Variants in CCDC60 observed in about 807,000 individuals in gnomAD.
CCDC60 encodes coiled-coil domain-containing protein 60.
Under a neutral mutation model 63.5 loss-of-function variants are expected in CCDC60, and 54 were observed. The ratio of observed to expected loss-of-function variants is 0.85; its 90% CI spans 0.68 to 1.07. The LOEUF (loss-of-function observed/expected upper bound fraction) is 1.07, where lower values mean the gene tolerates loss of function less well. CCDC60 is among the 50% of genes least tolerant of loss of function. The pLI, the probability that CCDC60 is intolerant of heterozygous loss-of-function variation, is 0.00. For missense variants in CCDC60, 651 were observed against 684.3 expected (o/e 0.95, Z 0.54); for synonymous variants, 206 against 238.8 (o/e 0.86, Z 1.27).
chr12:119,480,869 C>T (rs936089998), intron 4 of CCDC60, among the ~76,000 whole-genome samples: 3 of 138,082 alleles, frequency 2.2e-5, no homozygotes, highest in Non-Finnish European at 4.7e-5. Flanking sequence ...GTCATCATCA[C>T]CATCACCATC....
intron 1 of CCDC60, among the ~76,000 whole-genome samples, chr12:119,379,435 G>A (rs1026595470): frequency 1.3e-5 from 2 of 152,174 alleles, no homozygotes; most frequent in Non-Finnish European, 2.9e-5. Flanking sequence ...GGGTACCCAC[G>A]AGGTCCACAA....
chr12:119,369,108 G>A (rs987728136), intron 1 of CCDC60, among the ~76,000 whole-genome samples: 1 of 152,114 alleles, frequency 6.6e-6, no homozygotes, highest in Non-Finnish European at 1.5e-5. Context: ...GGATACAGGA[G>A]GTAAAAGCAG....
intron 1 of CCDC60, among the ~76,000 whole-genome samples, chr12:119,338,985 G>T (rs1291907820): frequency 6.6e-6 from 1 of 152,124 alleles, no homozygotes; most frequent in Non-Finnish European, 1.5e-5. Flanking sequence ...CCTTGTACAG[G>T]CTCTTCATGG....
chr12:119,497,769 A>G (rs1951746821), intron 5 of CCDC60, among the ~76,000 whole-genome samples: 1 of 151,716 alleles, frequency 6.6e-6, no homozygotes, highest in Non-Finnish European at 1.5e-5. Context: ...AAAACACTAA[A>G]GCTTCCAGTG....
chr12:119,498,611 A>G (rs1951768174), intron 5 of CCDC60, among the ~76,000 whole-genome samples: 1 of 152,246 alleles, frequency 6.6e-6, no homozygotes. Context: ...TGCTGGGATT[A>G]CAGGCATGAG....
chr12:119,490,579 A>T (rs994139703), intron 5 of CCDC60, among the ~76,000 whole-genome samples: 1 of 149,084 alleles, frequency 6.7e-6, no homozygotes, highest in Non-Finnish European at 1.5e-5. Flanking sequence ...TTTTTTTTTT[A>T]AAGAGATGAG....
At chr12:119,449,533 T>A (rs1226296836) in intron 2 of CCDC60, among the ~76,000 whole-genome samples, 1 of 152,130 alleles carries the variant, frequency 6.6e-6, no homozygotes, top group Non-Finnish European at 1.5e-5. Flanking sequence ...GAAGGTGCCA[T>A]TATTACATGC....
At chr12:119,362,363 G>A (rs1475213866) in intron 1 of CCDC60, among the ~76,000 whole-genome samples, 2 of 152,052 alleles carry the variant, frequency 1.3e-5, no homozygotes, top group Non-Finnish European at 2.9e-5. Flanking sequence ...CATTCCAGAA[G>A]ATTCTCTCAT....
intron 1 of CCDC60, among the ~76,000 whole-genome samples, chr12:119,337,783 A>C (rs1174281791): frequency 2.6e-5 from 4 of 151,650 alleles, no homozygotes; most frequent in African/African-American, 9.7e-5. Flanking sequence ...AGCAAAGAAA[A>C]GGGACAGCTA....
intron 1 of CCDC60, among the ~76,000 whole-genome samples, chr12:119,391,149 G>C (rs866633496): frequency 1.3e-5 from 2 of 152,206 alleles, no homozygotes; most frequent in Non-Finnish European, 2.9e-5. Flanking sequence ...AAAATGGACT[G>C]TTACCCACAC....
intron 4 of CCDC60, 126 bp from the exon 5 acceptor site, chr12:119,488,633 G>A (rs755910651): frequency 7.2e-5 from 52 of 726,828 alleles, no homozygotes; most frequent in Admixed American, 2.6e-4. Flanking sequence ...AAATACTTGC[G>A]CATGCCTGGA....
chr12:119,520,136 G>A lies in CCDC60; in HGVS notation c.984G>A (p.Leu328=), dbSNP rs1480634987. The part of the protein sequence containing the change: ...QRKAPSILSV[L]KQNKSNSAYK... Reference sequence around the variant, plus strand: ...TGCCTTGCAGCATCTTGTCAGTGCTGAAACAAAACAAGAGTAATTCTGCTT... The same window carrying A: ...TGCCTTGCAGCATCTTGTCAGTGCTAAAACAAAACAAGAGTAATTCTGCTT... The change falls in exon 9 of 14, where the codon CTG becomes CTA. Residue 328 remains leucine (L), a synonymous_variant. Transcript: ENST00000327554. 2 of 1,613,816 alleles carry A rather than the reference G, an allele frequency of 1.2e-6. No homozygotes were observed. Among genetic ancestry groups the A allele is most frequent in the African/African-American group, 2.7e-5 (2 of 74,920 alleles).
intron 1 of CCDC60, among the ~76,000 whole-genome samples, chr12:119,369,621 C>T (rs1057263442): frequency 4.6e-5 from 7 of 152,168 alleles, no homozygotes; most frequent in Admixed American, 4.6e-4. Flanking sequence ...CCTCTCTGAG[C>T]CCCACAGTCT....
chr12:119,382,498 CA>C (rs1050571540), intron 1 of CCDC60, among the ~76,000 whole-genome samples: 2 of 152,120 alleles, frequency 1.3e-5, no homozygotes, highest in Non-Finnish European at 1.5e-5. Flanking sequence ...GTATTCGTAA[CA>C]GGGGGAAGAG....
At chr12:119,387,034 T>TCTCACACACACACACACACA (rs543330015) in intron 1 of CCDC60, among the ~76,000 whole-genome samples, 2 of 105,452 alleles carry the variant, frequency 1.9e-5, no homozygotes, top group Admixed American at 2.2e-4. Context: ...TCTGTCTCTC[T>TCTCACACACACACACACACA]CACACACACA....
intron 1 of CCDC60, among the ~76,000 whole-genome samples, chr12:119,393,112 TGTA>T (rs1322016186): frequency 6.6e-6 from 1 of 152,174 alleles, no homozygotes; most frequent in Non-Finnish European, 1.5e-5. Context: ...TGCAGTGAGT[TGTA>T]ATTGCACCAC....
At position 119,516,604 on chromosome 12, in the gene CCDC60, C is replaced by T. The variant is rs1367990462; in HGVS notation, c.884-19C>T. 2.6e-6 allele frequency: 4 copies of T among 1,566,868 alleles called. No homozygotes were observed. The highest frequency in any genetic ancestry group is 2.2e-5 in the East Asian group (1 of 44,652). ...AGGGGTGGCTTCTGGTCAAGGGTGA[C>T]CTCTCATATTCTCATCAGATCTGCA... On this transcript the variant is annotated intron_variant, in intron 7 of 13. Transcript: ENST00000327554.
intron 7 of CCDC60, among the ~76,000 whole-genome samples, chr12:119,507,526 A>C (rs1311871721): frequency 7.5e-6 from 1 of 133,432 alleles, no homozygotes; most frequent in Non-Finnish European, 1.6e-5. Flanking sequence ...ACATATATAT[A>C]CACATATATA....
At position 119,488,886 on chromosome 12, in the gene CCDC60, C is replaced by T. The variant is rs1951518797; in HGVS notation, c.557+20C>T. 7 of 1,585,466 alleles carry T rather than the reference C, an allele frequency of 4.4e-6. No homozygotes were observed. In the East Asian group the frequency reaches 1.3e-4, roughly 30 times the overall value. On this transcript the variant is annotated intron_variant, in intron 5 of 13. Coordinates refer to ENST00000327554, the MANE Select transcript of CCDC60 (RefSeq NM_178499.5). The stretch of plus-strand genomic sequence containing the variant: ...CCCAAAGTATGCCTCAGCCCTTCAA[C>T]TTGTCTTAGACTAGCAGTAGGCTGG...
Sources: gnomAD v4.1 joint callset for allele counts (sites outside exome capture counted in the v4.1 genomes callset) on GRCh38, gnomAD v4.1.1 for gene constraint, MANE v1.5 for transcripts, NCBI Gene and HGNC (gene_info 2026-07-23, HGNC 2026-07-21) for gene names.